The following TBX5 variants were observed in gnomAD, a reference collection of about 807,000 sequenced individuals.
TBX5 encodes the protein T-box transcription factor TBX5.
In TBX5, 8 loss-of-function variants were observed where a neutral mutation model predicts 51.1. The observed-to-expected ratio is 0.16, with a 90% CI of 0.09 to 0.28. TBX5 has a LOEUF of 0.28. Among genes scored for constraint, TBX5 ranks in the 10% least tolerant of loss-of-function variants. TBX5 has a pLI of 1.00. For missense variants in TBX5, 589 were observed against 671.7 expected, an observed-to-expected ratio of 0.88 and a Z score of 1.36; for synonymous variants, 302 against 266.4, an observed-to-expected ratio of 1.13 and a Z score of -1.30.
intron 7 of TBX5, among the ~76,000 whole-genome samples, chr12:114,377,300 T>C (rs942857928): frequency 6.6e-6 from 1 of 152,206 alleles, no homozygotes; most frequent in Non-Finnish European, 1.5e-5. Flanking sequence ...TGAAAATTAA[T>C]TTAAAATCAG....
chr12:114,372,604 C>G (rs1002603263), intron 7 of TBX5, among the ~76,000 whole-genome samples: 1 of 151,970 alleles, frequency 6.6e-6, no homozygotes, highest in African/African-American at 2.4e-5. Context: ...CCTTATAAGG[C>G]CTAAATTTCC....
intron 8 of TBX5, among the ~76,000 whole-genome samples, chr12:114,357,742 T>C (rs971298429): frequency 6.6e-6 from 1 of 152,214 alleles, no homozygotes; most frequent in Non-Finnish European, 1.5e-5. Context: ...CACAGACTCA[T>C]TACTTATCTG....
chr12:114,402,740 C>T (rs755102622), intron 2 of TBX5, among the ~76,000 whole-genome samples: 8 of 152,162 alleles, frequency 5.3e-5, no homozygotes, highest in Non-Finnish European at 8.8e-5. Flanking sequence ...TGCACACACA[C>T]ATACATGCAC....
intron 6 of TBX5, among the ~76,000 whole-genome samples, chr12:114,390,528 G>A (rs1871096007): frequency 6.6e-6 from 1 of 152,192 alleles, no homozygotes; most frequent in Non-Finnish European, 1.5e-5. Context: ...TAATTGTTGT[G>A]AATTCTTGCT....
rs774419025 is a variant in TBX5 at position 114,355,952 on chromosome 12, C to G, written c.1137G>C (p.Met379Ile). ...RTESAQRQAC[M>I]YASSAPPSEP... ...CGCTGGGGGGCGCAGAGCTGGCATA[C>G]ATGCAAGCTTGCCGCTGTGCCGACT... The change falls in exon 9 of 9, where the codon ATG (methionine) becomes ATC (isoleucine). Residue 379 changes from methionine (M) to isoleucine (I), a missense_variant. Coordinates refer to ENST00000405440, the MANE Select transcript of TBX5 (RefSeq NM_181486.4). The G allele has an allele frequency of 6.2e-7, 1 of 1,613,982 alleles. No individual in the cohort carries two copies. The highest frequency in any genetic ancestry group is 8.5e-7 in the Non-Finnish European group (1 of 1,180,040).
At chr12:114,395,117 C>T (rs1342309042) in intron 5 of TBX5, among the ~76,000 whole-genome samples, 2 of 152,088 alleles carry the variant, frequency 1.3e-5, no homozygotes, top group South Asian at 4.1e-4. Flanking sequence ...CAGGAATCTA[C>T]CCAAGGCACA....
chr12:114,390,566 C>T (rs936840397), intron 6 of TBX5, among the ~76,000 whole-genome samples: 28 of 152,308 alleles, frequency 1.8e-4, no homozygotes, highest in Admixed American at 1.2e-3. Flanking sequence ...AAAACCCTCA[C>T]GAGGACCAAA....
chr12:114,404,261 C>T (rs1282315648), intron 1 of TBX5, among the ~76,000 whole-genome samples: 2 of 152,114 alleles, frequency 1.3e-5, no homozygotes, highest in African/African-American at 4.8e-5. Context: ...TTTGTCTGGA[C>T]TTCTGGAAGA....
At chr12:114,401,183 T>A (rs2136420556) in intron 3 of TBX5, among the ~76,000 whole-genome samples, 1 of 152,278 alleles carries the variant, frequency 6.6e-6, no homozygotes, top group South Asian at 2.1e-4. Context: ...TCTGCGAGCT[T>A]TTAAGGGGAA....
chr12:114,383,168 T>A (rs1870606832), intron 7 of TBX5, among the ~76,000 whole-genome samples: 1 of 151,866 alleles, frequency 6.6e-6, no homozygotes, highest in African/African-American at 2.4e-5. Context: ...CTGGTAAAGT[T>A]TGAGGGGCTG....
chr12:114,377,423 C>T (rs1182948451), intron 7 of TBX5, among the ~76,000 whole-genome samples: 1 of 152,142 alleles, frequency 6.6e-6, no homozygotes, highest in Non-Finnish European at 1.5e-5. Context: ...CAGCATTTTG[C>T]TCTGTTGCTC....
At chr12:114,407,820 C>T (rs1430126120), upstream of TBX5, 1 of 985,346 alleles carries the variant, frequency 1.0e-6, no homozygotes, top group Non-Finnish European at 1.2e-6. Flanking sequence ...TCACCTCCAA[C>T]TATCCCACCT....
Position 114,405,808 on chromosome 12 carries a change from T to G in TBX5, c.-219A>C. The G allele has an allele frequency of 1.0e-6, 1 of 985,574 alleles. No individual in the cohort carries two copies. The highest frequency in any genetic ancestry group is 1.2e-6 in the Non-Finnish European group (1 of 830,038). The allele number at this position is 985,574 out of a possible 1,614,324, so 61.1% of individuals were successfully genotyped here. A position where few individuals can be genotyped will look rare whatever the true frequency, so the allele number is the denominator to read the frequency against. On this transcript the variant is annotated 5_prime_UTR_variant, in exon 1 of 9. Coordinates refer to ENST00000405440, the MANE Select transcript of TBX5 (RefSeq NM_181486.4). ...CTACCGCTGGAGCCTCCGCGGCGACTGCCCACCTCCAACACACACCTCCTC... is the reference window on the plus strand; with the variant it reads ...CTACCGCTGGAGCCTCCGCGGCGACGGCCCACCTCCAACACACACCTCCTC...
chr12:114,396,665 C>A (rs1871450530), intron 5 of TBX5, among the ~76,000 whole-genome samples: 1 of 152,184 alleles, frequency 6.6e-6, no homozygotes, highest in Admixed American at 6.5e-5. Context: ...GGGGAACCGT[C>A]CCACTTCCCA....
chr12:114,376,564 G>C lies in TBX5; in HGVS notation c.755+8912C>G, dbSNP rs12319551. On this transcript the variant is annotated intron_variant, in intron 7 of 8. Transcript: ENST00000405440. ...CAGTTATTCAAGAGGCATAATTCCT[G>C]GAGAGCTAACGTACAGCAATGTGAA... is the stretch of plus-strand genomic sequence containing the variant. 7.1e-3 allele frequency among the ~76,000 whole-genome samples: 1,081 copies of C among 151,968 alleles called. 9 individuals are homozygous for C. The highest frequency in any genetic ancestry group is 0.024 in the African/African-American group (979 of 41,442).
At chr12:114,374,769 G>A (rs1241791671) in intron 7 of TBX5, among the ~76,000 whole-genome samples, 1 of 152,176 alleles carries the variant, frequency 6.6e-6, no homozygotes, top group African/African-American at 2.4e-5. Context: ...CTAAAATACA[G>A]GAGTGTGAAC....
intron 7 of TBX5, among the ~76,000 whole-genome samples, chr12:114,369,636 C>G (rs976907541): frequency 6.6e-6 from 1 of 152,130 alleles, no homozygotes; most frequent in African/African-American, 2.4e-5. Context: ...ACCAAAGAGA[C>G]GTGGTTAGTA....
At chr12:114,361,491 G>T (rs1445466302) in intron 8 of TBX5, among the ~76,000 whole-genome samples, 1 of 152,190 alleles carries the variant, frequency 6.6e-6, no homozygotes, top group African/African-American at 2.4e-5. Flanking sequence ...CAGGCCCTGG[G>T]GTCCTGGATT....
In TBX5 at chr12:114,406,038, A is replaced by G. The variant is rs2136427942; in HGVS notation, c.-449T>C. 1 of 985,044 alleles carries G rather than the reference A, an allele frequency of 1.0e-6. No homozygotes were observed. Among genetic ancestry groups the G allele is most frequent in the African/African-American group, 1.7e-5 (1 of 57,200 alleles). 61.0% of individuals were successfully genotyped at this position (985,044 alleles called of 1,614,324 possible). A position where few individuals can be genotyped will look rare whatever the true frequency, so the allele number is the denominator to read the frequency against. On this transcript the variant is annotated 5_prime_UTR_variant, in exon 1 of 9. Transcript: ENST00000405440. Reference sequence around the variant, plus strand: ...GGATTAAAGTTCCCGGATTCGAGGTAAGAGTCAGTCTCTCTCACTCTCTCT... The same window carrying G: ...GGATTAAAGTTCCCGGATTCGAGGTGAGAGTCAGTCTCTCTCACTCTCTCT...
Sources: allele counts gnomAD v4.1 joint callset (sites outside exome capture counted in the v4.1 genomes callset), GRCh38; gene constraint gnomAD v4.1.1; transcripts MANE v1.5; gene names NCBI Gene and HGNC (gene_info 2026-07-23, HGNC 2026-07-21).